The following PIK3C2B variants were observed in gnomAD, a reference collection of about 807,000 sequenced individuals.
PIK3C2B encodes phosphatidylinositol-4-phosphate 3-kinase catalytic subunit type 2 beta, also known as phosphatidylinositol 4-phosphate 3-kinase C2 domain-containing subunit beta.
A neutral mutation model predicts 184.3 loss-of-function variants in PIK3C2B; 83 were observed. That is an observed-to-expected ratio of 0.45 (90% CI 0.38 to 0.54). The LOEUF is 0.54. Ranked by LOEUF, PIK3C2B falls within the 20% of genes least tolerant of loss-of-function variation. PIK3C2B has a pLI of 0.00. For synonymous variants in PIK3C2B, 779 were observed against 837.6 expected, an observed-to-expected ratio of 0.93 and a Z score of 1.21; for missense variants, 1,736 against 2,113.5, an observed-to-expected ratio of 0.82 and a Z score of 3.50.
Position 204,432,219 on chromosome 1 carries a change from A to G in PIK3C2B, c.4136T>C (p.Phe1379Ser). The G allele has an allele frequency of 6.2e-7, 1 of 1,614,016 alleles. No individual in the cohort carries two copies. Among genetic ancestry groups the G allele is most frequent in the Non-Finnish European group, 8.5e-7 (1 of 1,179,970 alleles). The change falls in exon 27 of 33, where the codon TTC becomes TCC. Residue 1379 changes from phenylalanine (F) to serine (S), a missense_variant. By Grantham distance (155) the Phe-to-Ser change is radical (BLOSUM62 -2). Transcript: ENST00000684373. ...ACTTACATAGCCTTTGTTGGGGTGG[A>G]AGATCTTCTCATGGCGGCAGAGGAA... ...DVFLCRHEKI[F>S]HPNKGYIYVV...
intron 1 of PIK3C2B, among the ~76,000 whole-genome samples, chr1:204,482,165 C>G (rs1238206956): frequency 2.0e-5 from 3 of 151,600 alleles, no homozygotes; most frequent in Non-Finnish European, 4.4e-5. Flanking sequence ...CATGGCCTCC[C>G]CCTGGTCTCT....
intron 18 of PIK3C2B, among the ~76,000 whole-genome samples, 174 bp from the exon 19 acceptor site, chr1:204,443,771 C>A (rs140344768): frequency 6.6e-6 from 1 of 152,302 alleles, no homozygotes; most frequent in African/African-American, 2.4e-5. Flanking sequence ...GTGCCCATAC[C>A]CCAGTCTGTG....
rs769781904 is a variant in PIK3C2B at position 204,469,767 on chromosome 1, C to G, written c.36G>C (p.Lys12Asn). 6.2e-7 allele frequency: 1 copy of G among 1,613,972 alleles called. No individual in the cohort carries two copies. ...GGCTGATGCCCACTGACTCCAGGGA[C>G]TTCCAGTGTTCCCCATTGCCCTGAG... is the stretch of plus-strand genomic sequence containing the variant. ...SSTQGNGEHW[K>N]SLESVGISRK... The change falls in exon 2 of 33, where the codon AAG becomes AAC. Residue 12 changes from lysine to asparagine, a missense_variant. Coordinates refer to ENST00000684373, the MANE Select transcript of PIK3C2B (RefSeq NM_001377334.1).
At chr1:204,462,515 T>C (rs941290696) in intron 5 of PIK3C2B, among the ~76,000 whole-genome samples, 2 of 152,230 alleles carry the variant, frequency 1.3e-5, no homozygotes, top group Non-Finnish European at 2.9e-5. Flanking sequence ...TTATCCACTA[T>C]GTCCCCTTTT....
At chr1:204,488,133 A>G (rs1485354832) in intron 1 of PIK3C2B, among the ~76,000 whole-genome samples, 1 of 152,358 alleles carries the variant, frequency 6.6e-6, no homozygotes, top group East Asian at 1.9e-4. Context: ...CCAAGGTCAT[A>G]CAGCTTGTAA....
intron 4 of PIK3C2B, 123 bp from the exon 5 acceptor site, chr1:204,464,255 G>T: frequency 8.0e-7 from 1 of 1,253,868 alleles, no homozygotes; most frequent in Non-Finnish European, 1.1e-6. Flanking sequence ...ACCAGATAAA[G>T]CAGGCAAGTA....
rs142434358 is a variant in PIK3C2B at position 204,431,231 on chromosome 1, C to T, written c.4280+438G>A. The T allele has an allele frequency of 8.7e-4, 211 of 242,550 alleles. 2 individuals carry two copies. Among genetic ancestry groups the T allele is most frequent in the Admixed American group, 1.4e-3 (29 of 21,074 alleles). The allele number at this position is 242,550 out of a possible 1,614,324, so 15.0% of individuals were successfully genotyped here. A position where few individuals can be genotyped will look rare whatever the true frequency, so the allele number is the denominator to read the frequency against. ...TCCAGGTAACTCAGATAAGTGGAAT[C>T]GTGCCGTTTTTGTTTTTTTGTGACT... On this transcript the variant is annotated intron_variant, in intron 28 of 32. Coordinates refer to ENST00000684373, the MANE Select transcript of PIK3C2B (RefSeq NM_001377334.1).
chr1:204,468,826 G>T, intron 2 of PIK3C2B, 44 bp downstream of exon 2: 1 of 1,486,214 alleles, frequency 6.7e-7, no homozygotes. Flanking sequence ...GTTTCTGAAG[G>T]ACATGGAGAA....
rs574815027 is a variant in PIK3C2B at position 204,487,361 on chromosome 1, C to T, written c.-85+6995G>A. ...CATTTCAACATGTATCTACAAACAT[C>T]TCATTACATACAAAACATTCTTTTC... On this transcript the variant is annotated intron_variant, in intron 1 of 32. Coordinates refer to ENST00000684373, the MANE Select transcript of PIK3C2B (RefSeq NM_001377334.1). Among the ~76,000 whole-genome samples, 6 of 152,312 alleles carry T rather than the reference C, an allele frequency of 3.9e-5. No homozygotes were observed. In the South Asian group the frequency reaches 1.2e-3, roughly 32 times the overall value.
At position 204,481,147 on chromosome 1, in the gene PIK3C2B, T is replaced by A. The variant is rs144340650; in HGVS notation, c.-84-11261A>T. On this transcript the variant is annotated intron_variant, in intron 1 of 32. Coordinates refer to ENST00000684373, the MANE Select transcript of PIK3C2B (RefSeq NM_001377334.1). Reference sequence around the variant, plus strand: ...ACCTCCCATGCTTATCCCATACCCCTCACACCCTCCCCATACACACCCTAC... The same window carrying A: ...ACCTCCCATGCTTATCCCATACCCCACACACCCTCCCCATACACACCCTAC... 7.2e-3 allele frequency among the ~76,000 whole-genome samples: 1,042 copies of A among 145,206 alleles called. 6 individuals are homozygous for A. Among genetic ancestry groups the A allele is most frequent in the African/African-American group, 0.026 (987 of 38,312 alleles).
At chr1:204,482,673 A>G (rs1235008278) in intron 1 of PIK3C2B, among the ~76,000 whole-genome samples, 1 of 152,096 alleles carries the variant, frequency 6.6e-6, no homozygotes, top group Non-Finnish European at 1.5e-5. Context: ...AACACCAGCT[A>G]CTTGGGAGGC....
At position 204,445,969 on chromosome 1, in the gene PIK3C2B, G is replaced by A. The variant is rs781279430; in HGVS notation, c.2665C>T (p.Leu889Phe). 2.0e-6 allele frequency: 3 copies of A among 1,537,034 alleles called. No homozygotes were observed. Among genetic ancestry groups the A allele is most frequent in the Middle Eastern group, 3.5e-4 (2 of 5,732 alleles). ...GTTACAACTCACGTGGCATGCAGGA[G>A]CCCCAGGGCATCCTGGTGGTTCATG... ...THMNHQDALG[L>F]LHATFPDQEV... Residue 889 changes from leucine to phenylalanine, a missense_variant, in exon 16 of 33, where the codon CTC (leucine) becomes TTC (phenylalanine). Coordinates refer to ENST00000684373, the MANE Select transcript of PIK3C2B (RefSeq NM_001377334.1).
intron 1 of PIK3C2B, among the ~76,000 whole-genome samples, chr1:204,473,092 T>C (rs1218870379): frequency 6.6e-6 from 1 of 152,212 alleles, no homozygotes; most frequent in Non-Finnish European, 1.5e-5. Flanking sequence ...GATTAGAATG[T>C]TGAAAACATC....
chr1:204,440,395 C>CTAA (rs1675585949), intron 21 of PIK3C2B, 74 bp from the exon 22 acceptor site: 1 of 1,472,186 alleles, frequency 6.8e-7, no homozygotes, highest in African/African-American at 1.4e-5. Context: ...AAGTGCTCAA[C>CTAA]CTTGGCCCTA....
chr1:204,478,725 C>G (rs999686210), intron 1 of PIK3C2B, among the ~76,000 whole-genome samples: 1 of 152,204 alleles, frequency 6.6e-6, no homozygotes, highest in East Asian at 1.9e-4. Context: ...CCTACCAGGA[C>G]TTACTCTCCA....
At position 204,449,916 on chromosome 1, in the gene PIK3C2B, G is replaced by A; in HGVS notation, c.2168C>T (p.Ala723Val). Residue 723 changes from alanine (A) to valine (V), a missense_variant, in exon 13 of 33, where the codon GCC (alanine) becomes GTC (valine). Ala to Val is a moderately conservative substitution (Grantham distance 64, BLOSUM62 0). Around this residue, in one of 8 missense-constraint regions of PIK3C2B, gnomAD observed 609 missense variants for 699.2 expected, o/e 0.87. Transcript: ENST00000684373. Reference sequence around the variant, plus strand: ...TTCAGGCACCCGCCGCTGCTTATTGGCCTCTGAGGAGCTCCCCGGTGGGGG... The same window carrying A: ...TTCAGGCACCCGCCGCTGCTTATTGACCTCTGAGGAGCTCCCCGGTGGGGG... ...PIPPPGSSSEANKQRRVPEAL... is the reference protein window; with the variant it reads ...PIPPPGSSSEVNKQRRVPEAL... The A allele has an allele frequency of 6.2e-7, 1 of 1,613,942 alleles. No individual in the cohort carries two copies. The highest frequency in any genetic ancestry group is 8.5e-7 in the Non-Finnish European group (1 of 1,179,930).
At chr1:204,461,028 T>C (rs967325124) in intron 5 of PIK3C2B, among the ~76,000 whole-genome samples, 6 of 152,132 alleles carry the variant, frequency 3.9e-5, no homozygotes, top group Non-Finnish European at 8.8e-5. Flanking sequence ...TCTGGGCCTC[T>C]GTATAGGGGA....
intron 1 of PIK3C2B, among the ~76,000 whole-genome samples, chr1:204,482,692 A>G (rs1657265272): frequency 6.6e-6 from 1 of 151,716 alleles, no homozygotes; most frequent in African/African-American, 2.4e-5. Context: ...GCTGAGGCAG[A>G]AGAATCTCTT....
intron 28 of PIK3C2B, 24 bp downstream of exon 28, chr1:204,431,645 G>T: frequency 6.2e-7 from 1 of 1,613,452 alleles, no homozygotes; most frequent in Non-Finnish European, 8.5e-7. Flanking sequence ...ATCCCTCTGT[G>T]CAGATAGTAA....
Sources: allele counts gnomAD v4.1 joint callset (sites outside exome capture counted in the v4.1 genomes callset), GRCh38; gene constraint gnomAD v4.1.1; regional missense constraint gnomAD v4.1.1; transcripts MANE v1.5; gene names NCBI Gene and HGNC (gene_info 2026-07-23, HGNC 2026-07-21).